The following RBFOX1 variants were observed in gnomAD, a reference collection of about 807,000 sequenced individuals.
RBFOX1 encodes the protein RNA binding protein fox-1 homolog 1.
A neutral mutation model predicts 57.7 loss-of-function variants in RBFOX1; 8 were observed. The observed-to-expected ratio is 0.14, with a 90% confidence interval of 0.08 to 0.25. The LOEUF (loss-of-function observed/expected upper bound fraction) is 0.25. RBFOX1 is among the 10% of genes least tolerant of loss of function. RBFOX1 has a pLI of 1.00. For missense variants in RBFOX1, 611 were observed against 548.5 expected, an observed-to-expected ratio of 1.11 and a Z score of -1.14; for synonymous variants, 326 against 222.4, an observed-to-expected ratio of 1.47 and a Z score of -4.15.
At chr16:6,791,396 T>A (rs984056382) in intron 3 of RBFOX1, among the ~76,000 whole-genome samples, 1 of 152,152 alleles carries the variant, frequency 6.6e-6, no homozygotes, top group Non-Finnish European at 1.5e-5. Flanking sequence ...GTCTAATAGG[T>A]GCAGCCCTGT....
chr16:7,158,372 A>G (rs1484591656), intron 4 of RBFOX1, among the ~76,000 whole-genome samples: 1 of 152,140 alleles, frequency 6.6e-6, no homozygotes, highest in Admixed American at 6.6e-5. Flanking sequence ...CTACAGGGTT[A>G]GGGTTATCAC....
chr16:5,723,107 C>T (rs1164177419), intron 3 of RBFOX1, among the ~76,000 whole-genome samples: 1 of 152,170 alleles, frequency 6.6e-6, no homozygotes, highest in Non-Finnish European at 1.5e-5. Context: ...CATTATCTTC[C>T]TTTTACCTCA....
intron 1 of RBFOX1, among the ~76,000 whole-genome samples, chr16:5,350,031 G>A (rs2065228710): frequency 6.6e-6 from 1 of 152,342 alleles, no homozygotes; most frequent in Admixed American, 6.5e-5. Flanking sequence ...GGTGTAATTT[G>A]GCTTTAATAG....
At chr16:7,218,628 C>CTGTG (rs60333818) in intron 4 of RBFOX1, among the ~76,000 whole-genome samples, 4,887 of 126,938 alleles carry the variant, frequency 0.038, 152 homozygotes, top group Middle Eastern at 0.055. Context: ...TGGGGGTTTG[C>CTGTG]TGTGTGTGTG....
chr16:5,481,495 G>T (rs769723989), intron 2 of RBFOX1, among the ~76,000 whole-genome samples: 5 of 152,122 alleles, frequency 3.3e-5, no homozygotes, highest in Non-Finnish European at 7.4e-5. Context: ...TGGTTTTCTT[G>T]TTACTACTTG....
chr16:5,534,448 C>T (rs2044614729), intron 2 of RBFOX1, among the ~76,000 whole-genome samples: 1 of 152,160 alleles, frequency 6.6e-6, no homozygotes, highest in Non-Finnish European at 1.5e-5. Flanking sequence ...CTGCAGCCTT[C>T]AGTCTGTGGT....
intron 3 of RBFOX1, among the ~76,000 whole-genome samples, chr16:6,925,096 A>G (rs1261844274): frequency 1.8e-5 from 2 of 113,114 alleles, no homozygotes; most frequent in Non-Finnish European, 3.5e-5. Context: ...GTTGTTGGAC[A>G]TCTAGGTTGT....
At chr16:7,246,632 C>T (rs1318453955) in intron 4 of RBFOX1, among the ~76,000 whole-genome samples, 1 of 122,510 alleles carries the variant, frequency 8.2e-6, no homozygotes, top group Non-Finnish European at 1.6e-5. Flanking sequence ...ATGGTCACCT[C>T]CTTTTTTTTT....
chr16:5,794,825 A>C (rs184050284), intron 3 of RBFOX1, among the ~76,000 whole-genome samples: 52 of 152,290 alleles, frequency 3.4e-4, no homozygotes, highest in Non-Finnish European at 6.0e-4. Flanking sequence ...GGCTAGTGGC[A>C]TCTCTTATGT....
chr16:6,839,422 C>A (rs1166425723), intron 3 of RBFOX1, among the ~76,000 whole-genome samples: 2 of 152,194 alleles, frequency 1.3e-5, no homozygotes, highest in African/African-American at 4.8e-5. Flanking sequence ...TCGACAGACT[C>A]AATAAACACC....
chr16:6,509,199 A>G (rs1413697399), intron 2 of RBFOX1, among the ~76,000 whole-genome samples: 1 of 152,160 alleles, frequency 6.6e-6, no homozygotes, highest in Non-Finnish European at 1.5e-5. Flanking sequence ...TGGTAAAGGT[A>G]TTTTTGGGGG....
chr16:6,553,670 AAAG>A (rs1470430174), intron 2 of RBFOX1, among the ~76,000 whole-genome samples: 2 of 152,202 alleles, frequency 1.3e-5, no homozygotes, highest in African/African-American at 2.4e-5. Flanking sequence ...AAAAGGAAGA[AAAG>A]AAGATTTGTT....
intron 1 of RBFOX1, among the ~76,000 whole-genome samples, chr16:5,287,141 C>T (rs1039912563): frequency 6.6e-6 from 1 of 151,966 alleles, no homozygotes. Context: ...CCTGTCTCTG[C>T]AAAGAATAAA....
intron 2 of RBFOX1, among the ~76,000 whole-genome samples, chr16:6,620,387 A>G (rs1434196968): frequency 6.6e-6 from 1 of 152,204 alleles, no homozygotes; most frequent in Non-Finnish European, 1.5e-5. Flanking sequence ...GCCCACATCC[A>G]AAAGTTAGAA....
At chr16:6,950,381 C>G (rs982359732) in intron 3 of RBFOX1, among the ~76,000 whole-genome samples, 4 of 141,484 alleles carry the variant, frequency 2.8e-5, no homozygotes, top group Non-Finnish European at 6.3e-5. Context: ...TCTGTCCACC[C>G]ACCACCCACT....
chr16:5,357,097 T>C (rs1268745421), intron 1 of RBFOX1, among the ~76,000 whole-genome samples: 1 of 152,192 alleles, frequency 6.6e-6, no homozygotes, highest in Non-Finnish European at 1.5e-5. Flanking sequence ...TGCTCTTAAC[T>C]GGCAAAATGT....
intron 4 of RBFOX1, among the ~76,000 whole-genome samples, chr16:7,364,123 C>G (rs915139223): frequency 2.0e-5 from 3 of 152,184 alleles, no homozygotes; most frequent in Non-Finnish European, 4.4e-5. Flanking sequence ...ATCCATCTCT[C>G]CCTGTCTGTT....
chr16:6,025,947 G>C (rs1291999282), intron 1 of RBFOX1, among the ~76,000 whole-genome samples: 3 of 152,130 alleles, frequency 2.0e-5, no homozygotes, highest in African/African-American at 7.2e-5. Context: ...TTCCTATGTA[G>C]CACAAGCTGA....
At chr16:7,192,658 G>C (rs781018078) in intron 4 of RBFOX1, among the ~76,000 whole-genome samples, 2 of 152,090 alleles carry the variant, frequency 1.3e-5, no homozygotes, top group Non-Finnish European at 2.9e-5. Flanking sequence ...GTATTGTTTC[G>C]ACGTCAATTT....
Sources: gnomAD v4.1 joint callset for allele counts (sites outside exome capture counted in the v4.1 genomes callset) on GRCh38, gnomAD v4.1.1 for gene constraint, MANE v1.5 for transcripts, NCBI Gene and HGNC (gene_info 2026-07-23, HGNC 2026-07-21) for gene names.